Variants in KIF6 observed in about 807,000 individuals in gnomAD.
KIF6 encodes the protein kinesin-like protein KIF6.
Under a neutral mutation model 112.7 loss-of-function variants are expected in KIF6, and 106 were observed. That is an observed-to-expected ratio of 0.94 (90% CI 0.80 to 1.11). The LOEUF (loss-of-function observed/expected upper bound fraction) is 1.11. Among genes scored for constraint, KIF6 ranks in the 50% least tolerant of loss-of-function variants. The probability of loss-of-function intolerance (pLI) is 0.00; values close to 1 mark genes in which losing one functional copy is unlikely to be tolerated. For synonymous variants in KIF6, 339 were observed against 339.9 expected, an observed-to-expected ratio of 1.00 and a Z score of 0.03; for missense variants, 929 against 964.0, an observed-to-expected ratio of 0.96 and a Z score of 0.48.
intron 8 of KIF6, 119 bp from the exon 9 acceptor site, chr6:39,585,103 A>G: frequency 1.6e-6 from 1 of 621,272 alleles, no homozygotes; most frequent in Admixed American, 2.5e-5. Context: ...TGTGTATAAA[A>G]CTCACAGTGA....
chr6:39,504,145 AACCTT>A (rs1776302708), intron 13 of KIF6, among the ~76,000 whole-genome samples: 1 of 152,188 alleles, frequency 6.6e-6, no homozygotes, highest in Non-Finnish European at 1.5e-5. Context: ...GCACATCAAA[AACCTT>A]ATCCACCATG....
intron 16 of KIF6, among the ~76,000 whole-genome samples, chr6:39,376,508 C>T (rs944252564): frequency 5.9e-5 from 9 of 152,194 alleles, no homozygotes; most frequent in Non-Finnish European, 1.0e-4. Context: ...GAAACCTGAG[C>T]GCAGAGCCCC....
chr6:39,426,231 G>T (rs1770754693), intron 14 of KIF6, among the ~76,000 whole-genome samples: 1 of 152,210 alleles, frequency 6.6e-6, no homozygotes, highest in South Asian at 2.1e-4. Flanking sequence ...AAATGTGATT[G>T]TGAATTGCAA....
intron 5 of KIF6, among the ~76,000 whole-genome samples, chr6:39,627,719 T>A (rs569784052): frequency 2.0e-5 from 3 of 152,294 alleles, no homozygotes; most frequent in South Asian, 2.1e-4. Context: ...CATTTACTGG[T>A]TCCTTTTTAT....
At chr6:39,655,871 T>C (rs1040419768) in intron 3 of KIF6, among the ~76,000 whole-genome samples, 1 of 152,248 alleles carries the variant, frequency 6.6e-6, no homozygotes, top group Non-Finnish European at 1.5e-5. Context: ...TCTACCATCT[T>C]TGTTCTTTTC....
At chr6:39,709,299 C>T (rs1157815633) in intron 3 of KIF6, among the ~76,000 whole-genome samples, 4 of 152,170 alleles carry the variant, frequency 2.6e-5, no homozygotes, top group Non-Finnish European at 2.9e-5. Context: ...TGTGTGTTGT[C>T]GGAGGGATGG....
chr6:39,353,843 TGGCACTATGCCAGCCACAATG>T, intron 19 of KIF6: 1 of 460,386 alleles, frequency 2.2e-6, no homozygotes, highest in Admixed American at 2.8e-5. Context: ...GACTTCAGGA[TGGCACTATGCCAGCCACAATG>T]GGCACTATGC....
At chr6:39,359,238 G>C (rs137953360) in intron 18 of KIF6, among the ~76,000 whole-genome samples, 22 of 152,136 alleles carry the variant, frequency 1.4e-4, no homozygotes, top group South Asian at 1.0e-3. Flanking sequence ...CTGATTGTGC[G>C]TATTTTAGCA....
At position 39,337,231 on chromosome 6, in the gene KIF6, CTTTCT is replaced by C. The variant is rs1469639478; in HGVS notation, c.2429-688_2429-684del. On this transcript the variant is annotated intron_variant, in intron 22 of 22. Transcript: ENST00000287152. ...TCTTTCTTTCTTTCTTTCTTTCTTTCTTTCTTTTTCTTTCTTTTCTTTCCCTCCCT... is the reference window on the plus strand; with the variant it reads ...TCTTTCTTTCTTTCTTTCTTTCTTTCTTTTCTTTCTTTTCTTTCCCTCCCT... Among the ~76,000 whole-genome samples the C allele has an allele frequency of 3.1e-3, 294 of 95,758 alleles. 8 individuals are homozygous for C. The highest frequency in any genetic ancestry group is 0.016 in the African/African-American group (248 of 15,432). The allele number at this position is 95,758 out of a possible 152,430, so 62.8% of individuals were successfully genotyped here. A position where few individuals can be genotyped will look rare whatever the true frequency, so the allele number is the denominator to read the frequency against.
chr6:39,338,516 G>A (rs556869257), intron 22 of KIF6, among the ~76,000 whole-genome samples: 26 of 152,256 alleles, frequency 1.7e-4, no homozygotes, highest in Non-Finnish European at 3.1e-4. Context: ...ATTCTAGAAC[G>A]GGAAGTAAGA....
chr6:39,413,683 G>C (rs1769662641), intron 15 of KIF6, among the ~76,000 whole-genome samples: 1 of 152,114 alleles, frequency 6.6e-6, no homozygotes, highest in Non-Finnish European at 1.5e-5. Context: ...GAGGCTGTCA[G>C]ACAATGTAGT....
rs555396328 is a variant in KIF6 at position 39,381,499 on chromosome 6, C to T, written c.1861+4123G>A. 2.5e-3 allele frequency among the ~76,000 whole-genome samples: 387 copies of T among 152,246 alleles called. 2 individuals are homozygous for T. Among genetic ancestry groups the T allele is most frequent in the African/African-American group, 8.9e-3 (369 of 41,544 alleles). ...AAAACATCAGGGAATCCAAATACAC[C>T]GAGTAGGCTGCCTTTACTCTTACCG... On this transcript the variant is annotated intron_variant, in intron 16 of 22. Transcript: ENST00000287152.
chr6:39,456,719 T>C (rs1393559036), intron 13 of KIF6, among the ~76,000 whole-genome samples: 1 of 81,422 alleles, frequency 1.2e-5, no homozygotes, highest in African/African-American at 7.5e-5. Context: ...GGGGTTGCAA[T>C]CCTAGTCTCT....
chr6:39,484,794 C>T (rs1045248324), intron 13 of KIF6, among the ~76,000 whole-genome samples: 2 of 152,178 alleles, frequency 1.3e-5, no homozygotes, highest in Non-Finnish European at 2.9e-5. Flanking sequence ...AAAGGTGTCA[C>T]TATCCCTTCA....
intron 10 of KIF6, among the ~76,000 whole-genome samples, chr6:39,557,707 C>A (rs1779782197): frequency 6.6e-6 from 1 of 151,484 alleles, no homozygotes; most frequent in Non-Finnish European, 1.5e-5. Context: ...CCTCAGAAGT[C>A]AAAAAATGAA....
At position 39,343,873 on chromosome 6, in the gene KIF6, A is replaced by C. The variant is rs1375367654; in HGVS notation, c.2322-58T>G. On this transcript the variant is annotated intron_variant, in intron 21 of 22. Transcript: ENST00000287152. The surrounding 1 kb of genome is among the most constrained non-coding windows in gnomAD (Gnocchi z 4.1). ...CTTTACAACTGGACTCACCACTTAT[A>C]TTTCCAAAATGCTTTTCCATTTTAG... The C allele has an allele frequency of 7.9e-6, 8 of 1,016,016 alleles. No individual in the cohort carries two copies. The highest frequency in any genetic ancestry group is 1.2e-5 in the Non-Finnish European group (8 of 684,708). The allele number at this position is 1,016,016 out of a possible 1,614,324, so 62.9% of individuals were successfully genotyped here.
intron 5 of KIF6, among the ~76,000 whole-genome samples, chr6:39,632,920 A>G (rs769361897): frequency 6.6e-6 from 1 of 152,040 alleles, no homozygotes; most frequent in Non-Finnish European, 1.5e-5. Flanking sequence ...GCGCCTGGCC[A>G]AGCTTCAAAA....
chr6:39,382,224 T>C (rs1693601808), intron 16 of KIF6, among the ~76,000 whole-genome samples: 2 of 152,212 alleles, frequency 1.3e-5, no homozygotes, highest in African/African-American at 4.8e-5. Context: ...CAAGGGTATA[T>C]TGCATGATGC....
chr6:39,490,093 G>A (rs1259362662), intron 13 of KIF6, among the ~76,000 whole-genome samples: 3 of 152,164 alleles, frequency 2.0e-5, no homozygotes, highest in Admixed American at 2.0e-4. Flanking sequence ...TGATTGTTAG[G>A]CCATCAGAGT....
Sources: gnomAD v4.1 joint callset for allele counts (sites outside exome capture counted in the v4.1 genomes callset) on GRCh38, gnomAD v4.1.1 for gene constraint, Gnocchi (gnomAD v3.1) non-coding constraint, MANE v1.5 for transcripts, NCBI Gene and HGNC (gene_info 2026-07-23, HGNC 2026-07-21) for gene names.